SLC1A2: variants seen among roughly 807,000 people sequenced by gnomAD.
SLC1A2 encodes the protein excitatory amino acid transporter 2.
In SLC1A2, 15 loss-of-function variants were observed where a neutral mutation model predicts 48.8. The observed-to-expected ratio is 0.31, with a 90% CI of 0.21 to 0.47. The LOEUF (loss-of-function observed/expected upper bound fraction) is 0.47, where lower values mean the gene tolerates loss of function less well. SLC1A2 is among the 20% of genes least tolerant of loss of function. SLC1A2 has a pLI of 0.99. For missense variants in SLC1A2, 502 were observed against 730.5 expected (o/e 0.69, Z 3.61); for synonymous variants, 279 against 272.6 (o/e 1.02, Z -0.23).
chr11:35,393,711 C>T (rs1854855365), intron 1 of SLC1A2, among the ~76,000 whole-genome samples: 1 of 152,212 alleles, frequency 6.6e-6, no homozygotes, highest in African/African-American at 2.4e-5. Flanking sequence ...AACCACTTTT[C>T]CTCCCAGCTT....
intron 1 of SLC1A2, among the ~76,000 whole-genome samples, chr11:35,324,066 C>A (rs1852160636): frequency 6.6e-6 from 1 of 152,174 alleles, no homozygotes; most frequent in Non-Finnish European, 1.5e-5. Flanking sequence ...GGTGAGGTGG[C>A]ACTCAGAAAA....
At position 35,257,152 on chromosome 11, in the gene SLC1A2, T is replaced by G. The variant is rs1050665762; in HGVS notation, c.*3742A>C. ...AAAGGGCTTCTTGACTAGATACATATGCAAATGATGTATTTCTCCACACAC... is the reference window on the plus strand; with the variant it reads ...AAAGGGCTTCTTGACTAGATACATAGGCAAATGATGTATTTCTCCACACAC... On this transcript the variant is annotated 3_prime_UTR_variant, in exon 11 of 11. Transcript: ENST00000278379. The G allele has an allele frequency of 1.3e-5, 2 of 152,140 alleles. No individual in the cohort carries two copies. Among genetic ancestry groups the G allele is most frequent in the South Asian group, 4.1e-4 (2 of 4,822 alleles). 9.4% of individuals were successfully genotyped at this position (152,140 alleles called of 1,614,324 possible).
chr11:35,336,571 GAACA>G (rs1027743530), intron 1 of SLC1A2, among the ~76,000 whole-genome samples: 4 of 152,128 alleles, frequency 2.6e-5, no homozygotes, highest in Admixed American at 6.5e-5. Context: ...TAGGAGGAAG[GAACA>G]AACAGATAGA....
intron 1 of SLC1A2, among the ~76,000 whole-genome samples, chr11:35,394,289 G>A (rs1854882445): frequency 6.6e-6 from 1 of 151,984 alleles, no homozygotes; most frequent in Non-Finnish European, 1.5e-5. Flanking sequence ...ACATCAAAAC[G>A]GGTCTCCAAA....
chr11:35,355,337 C>T (rs945636492), intron 1 of SLC1A2, among the ~76,000 whole-genome samples: 10 of 152,214 alleles, frequency 6.6e-5, no homozygotes, highest in African/African-American at 2.4e-4. Flanking sequence ...GACTTCCCTC[C>T]TCCCAACCCT....
intron 7 of SLC1A2, chr11:35,292,056 G>A: frequency 2.0e-6 from 1 of 497,528 alleles, no homozygotes. Context: ...AAAATTTAAT[G>A]TGAGATCGTA....
chr11:35,420,135 A>AT (rs561948166), upstream of SLC1A2: 52,885 of 149,444 alleles, frequency 0.35, 9,290 homozygotes, highest in Middle Eastern at 0.45. Flanking sequence ...GGAGGCCGGG[A>AT]TTTTTTTTTT....
At chr11:35,412,941 C>T (rs1346771731) in intron 1 of SLC1A2, among the ~76,000 whole-genome samples, 1 of 152,088 alleles carries the variant, frequency 6.6e-6, no homozygotes, top group Non-Finnish European at 1.5e-5. Context: ...TATGTACAAC[C>T]CAGACCAAAG....
chr11:35,313,752 C>G (rs866119392), intron 3 of SLC1A2, among the ~76,000 whole-genome samples: 2 of 152,146 alleles, frequency 1.3e-5, no homozygotes, highest in South Asian at 4.1e-4. Context: ...GTAAATGCAC[C>G]CTTTCACTCA....
intron 1 of SLC1A2, among the ~76,000 whole-genome samples, chr11:35,378,270 A>G (rs576137852): frequency 2.1e-3 from 323 of 152,380 alleles, no homozygotes; most frequent in Middle Eastern, 3.4e-3. Flanking sequence ...TTTGCAAAGC[A>G]TTACTTTAGG....
intron 1 of SLC1A2, chr11:35,360,128 A>G: frequency 1.0e-6 from 1 of 982,246 alleles, no homozygotes; most frequent in Non-Finnish European, 1.2e-6. Context: ...GCTATACTAT[A>G]GAGGAAAAGC....
At chr11:35,310,162 C>T (rs1851643740) in intron 4 of SLC1A2, among the ~76,000 whole-genome samples, 2 of 152,172 alleles carry the variant, frequency 1.3e-5, no homozygotes, top group African/African-American at 4.8e-5. Flanking sequence ...TTCCTTTTTT[C>T]ACAGAGCATG....
At chr11:35,358,984 T>G (rs1853586236) in intron 1 of SLC1A2, among the ~76,000 whole-genome samples, 1 of 152,112 alleles carries the variant, frequency 6.6e-6, no homozygotes, top group Non-Finnish European at 1.5e-5. Context: ...AAAAATACCT[T>G]TTTCACCACA....
intron 1 of SLC1A2, among the ~76,000 whole-genome samples, chr11:35,357,368 G>T (rs1359009254): frequency 1.3e-5 from 2 of 152,088 alleles, no homozygotes; most frequent in Non-Finnish European, 2.9e-5. Context: ...GACAGGAGTG[G>T]GGCTTTGTGC....
At chr11:35,327,124 C>T (rs964707040) in intron 1 of SLC1A2, among the ~76,000 whole-genome samples, 5 of 152,186 alleles carry the variant, frequency 3.3e-5, no homozygotes, top group African/African-American at 1.2e-4. Flanking sequence ...TGAATGCTAG[C>T]AATTTTATTC....
intron 1 of SLC1A2, among the ~76,000 whole-genome samples, chr11:35,366,096 C>T (rs888512567): frequency 1.3e-5 from 2 of 152,206 alleles, no homozygotes; most frequent in African/African-American, 4.8e-5. Context: ...CCATCTATTA[C>T]ATGTACTGTG....
At chr11:35,272,078 A>T (rs1289401839) in intron 9 of SLC1A2, among the ~76,000 whole-genome samples, 2 of 152,210 alleles carry the variant, frequency 1.3e-5, no homozygotes, top group Admixed American at 1.3e-4. Context: ...GTTTTGTTTT[A>T]AGAGGTAGAA....
intron 1 of SLC1A2, chr11:35,371,090 C>T: frequency 1.0e-6 from 1 of 971,192 alleles, no homozygotes. Flanking sequence ...TCACTTTGGT[C>T]CAGCACCTGT....
rs147805317 is a variant in SLC1A2 at position 35,251,889 on chromosome 11, C to A, written c.*9005G>T. 1 of 152,582 alleles carries A rather than the reference C, an allele frequency of 6.6e-6. No individual in the cohort carries two copies. Among genetic ancestry groups the A allele is most frequent in the Admixed American group, 6.6e-5 (1 of 15,264 alleles). The allele number at this position is 152,582 out of a possible 1,614,324, so 9.5% of individuals were successfully genotyped here. On this transcript the variant is annotated 3_prime_UTR_variant, in exon 11 of 11. Coordinates refer to ENST00000278379, the MANE Select transcript of SLC1A2 (RefSeq NM_004171.4). ...AGAAAGGGGTTACAGGAACTATAGA[C>A]CTCACAGCATTGTATTTAGCGATAA...
Sources: allele counts gnomAD v4.1 joint callset (sites outside exome capture counted in the v4.1 genomes callset), GRCh38; gene constraint gnomAD v4.1.1; transcripts MANE v1.5; gene names NCBI Gene and HGNC (gene_info 2026-07-23, HGNC 2026-07-21).